The following MAP2K4 variants were observed in gnomAD, a reference collection of about 807,000 sequenced individuals.
MAP2K4 encodes the protein dual specificity mitogen-activated protein kinase kinase 4.
Under a neutral mutation model 48.5 loss-of-function variants are expected in MAP2K4, and 4 were observed. The observed-to-expected ratio is 0.08, with a 90% CI of 0.04 to 0.19. MAP2K4 has a LOEUF of 0.19. Among genes scored for constraint, MAP2K4 ranks in the 10% least tolerant of loss-of-function variants. MAP2K4 has a pLI of 1.00. For missense variants in MAP2K4, 258 were observed against 493.3 expected (o/e 0.52, Z 4.52); for synonymous variants, 166 against 173.1 (o/e 0.96, Z 0.32).
intron 4 of MAP2K4, among the ~76,000 whole-genome samples, chr17:12,101,272 ATATCCTTTGCACCTT>A (rs1971927941): frequency 6.6e-6 from 1 of 151,682 alleles, no homozygotes; most frequent in South Asian, 2.1e-4. Context: ...TTGCATGTGG[ATATCCTTTGCACCTT>A]TATCAGATAT....
At position 12,142,528 on chromosome 17, in the gene MAP2K4, A is replaced by G. The variant is rs1340253930; in HGVS notation, c.*1268A>G. The G allele has an allele frequency of 8.6e-6, 2 of 232,992 alleles. No individual in the cohort carries two copies. The highest frequency in any genetic ancestry group is 2.2e-5 in the African/African-American group (1 of 45,336). The allele number at this position is 232,992 out of a possible 1,614,324, so 14.4% of individuals were successfully genotyped here. On this transcript the variant is annotated 3_prime_UTR_variant, in exon 11 of 11. Transcript: ENST00000353533. ...TTCGCTAGTGTTTAAAAGGCTAAGA[A>G]TAGTGGGGCCCAGCCGATGTGGTAG...
At chr17:12,113,532 CCAGT>C (rs1972378880) in intron 7 of MAP2K4, among the ~76,000 whole-genome samples, 172 bp downstream of exon 7, 1 of 152,188 alleles carries the variant, frequency 6.6e-6, no homozygotes, top group African/African-American at 2.4e-5. Context: ...CTAAATTATC[CCAGT>C]CAGCTCCTGT....
At chr17:12,053,202 T>C (rs1970194246) in intron 1 of MAP2K4, among the ~76,000 whole-genome samples, 1 of 152,112 alleles carries the variant, frequency 6.6e-6, no homozygotes, top group African/African-American at 2.4e-5. Context: ...TGTATATTGC[T>C]GAACCTCTCA....
At chr17:12,117,618 T>C (rs1310860406) in intron 7 of MAP2K4, among the ~76,000 whole-genome samples, 1 of 152,040 alleles carries the variant, frequency 6.6e-6, no homozygotes, top group African/African-American at 2.4e-5. Flanking sequence ...TTTTTTTTGC[T>C]CATTTTTTGC....
intron 7 of MAP2K4, among the ~76,000 whole-genome samples, chr17:12,123,229 C>T (rs1204645599): frequency 6.6e-6 from 1 of 152,152 alleles, no homozygotes; most frequent in Non-Finnish European, 1.5e-5. Flanking sequence ...CCAGTGAGCC[C>T]ATCTGGGTGT....
intron 2 of MAP2K4, among the ~76,000 whole-genome samples, chr17:12,066,910 C>T (rs866845168): frequency 6.6e-6 from 1 of 152,218 alleles, no homozygotes; most frequent in African/African-American, 2.4e-5. Flanking sequence ...ATCTCCTGAC[C>T]TCGTGATCCG....
intron 6 of MAP2K4, 191 bp downstream of exon 6, chr17:12,110,617 C>T: frequency 1.8e-6 from 1 of 557,542 alleles, no homozygotes; most frequent in Non-Finnish European, 3.2e-6. Flanking sequence ...AAATTTCAGT[C>T]TATCTTAGTA....
In MAP2K4 at chr17:12,105,643, T is replaced by TC. The variant is rs563969877; in HGVS notation, c.514-2147_514-2146insC. On this transcript the variant is annotated intron_variant, in intron 4 of 10. Transcript: ENST00000353533. ...AGCATGACAGTCATGCTGCTGTCAC[T>TC]ACCTTTTTCAGGCAGCTCAGAGCAT... is the stretch of plus-strand genomic sequence containing the variant. Among the ~76,000 whole-genome samples the TC allele has an allele frequency of 8.1e-4, 123 of 152,192 alleles. No homozygotes were observed. The East Asian group carries it at 0.018, about 23-fold the overall frequency.
chr17:12,116,948 G>A (rs1428543936), intron 7 of MAP2K4, among the ~76,000 whole-genome samples: 3 of 152,138 alleles, frequency 2.0e-5, no homozygotes, highest in African/African-American at 4.8e-5. Flanking sequence ...CGCGAGTAAT[G>A]TGTCACTCTA....
rs1178657616 is a variant in MAP2K4 at position 12,081,918 on chromosome 17, A to G, written c.393+388A>G. ...ACTGGGTTGGGCAAGGTGCGGGGCT[A>G]GGGCTAACAGCAGTCTTACTGAAGG... On this transcript the variant is annotated intron_variant, in intron 3 of 10. Transcript: ENST00000353533. The surrounding 1 kb of genome is among the most constrained non-coding windows in gnomAD (Gnocchi z 4.2). 1 of 537,096 alleles carries G rather than the reference A, an allele frequency of 1.9e-6. No homozygotes were observed. The highest frequency in any genetic ancestry group is 3.8e-6 in the Non-Finnish European group (1 of 262,118). The allele number at this position is 537,096 out of a possible 1,614,324, so 33.3% of individuals were successfully genotyped here. A position where few individuals can be genotyped will look rare whatever the true frequency, so the allele number is the denominator to read the frequency against.
intron 2 of MAP2K4, among the ~76,000 whole-genome samples, chr17:12,071,786 T>A (rs995093969): frequency 6.6e-6 from 1 of 152,082 alleles, no homozygotes; most frequent in South Asian, 2.1e-4. Context: ...TATAGACCAG[T>A]GAACCTGAGA....
At chr17:12,082,765 A>T (rs1288592645) in intron 3 of MAP2K4, among the ~76,000 whole-genome samples, 3 of 152,214 alleles carry the variant, frequency 2.0e-5, no homozygotes, top group East Asian at 3.8e-4. Flanking sequence ...GGTGAGAACT[A>T]TAGACTTTTC....
intron 7 of MAP2K4, among the ~76,000 whole-genome samples, chr17:12,114,597 A>G (rs1009171618): frequency 9.2e-5 from 14 of 152,174 alleles, no homozygotes; most frequent in African/African-American, 3.4e-4. Context: ...TATTTGGGAA[A>G]TGTGATTTAC....
At position 12,062,568 on chromosome 17, in the gene MAP2K4, A is replaced by G. The variant is rs530427476; in HGVS notation, c.218+7577A>G. 1.4e-4 allele frequency among the ~76,000 whole-genome samples: 21 copies of G among 152,276 alleles called. No individual in the cohort carries two copies. The South Asian group carries it at 2.5e-3, about 18-fold the overall frequency. ...CCCAGGATGGTCTCGAACTCAAGCT[A>G]TCTTCCTGCCTCGGCCTCCCAGAGT... is the stretch of plus-strand genomic sequence containing the variant. On this transcript the variant is annotated intron_variant, in intron 2 of 10. Coordinates refer to ENST00000353533, the MANE Select transcript of MAP2K4 (RefSeq NM_003010.4).
intron 3 of MAP2K4, among the ~76,000 whole-genome samples, chr17:12,090,887 C>T (rs74335934): frequency 1.4e-3 from 215 of 152,294 alleles, no homozygotes; most frequent in African/African-American, 5.0e-3. Flanking sequence ...TTCCTCTTGT[C>T]CCTTTTCATG....
intron 7 of MAP2K4, among the ~76,000 whole-genome samples, chr17:12,122,545 A>G (rs1403310213): frequency 6.6e-6 from 1 of 152,140 alleles, no homozygotes; most frequent in Non-Finnish European, 1.5e-5. Context: ...TTAACATTGG[A>G]TCTTGTGACC....
chr17:12,086,645 G>A (rs1002263349), intron 3 of MAP2K4, among the ~76,000 whole-genome samples: 1 of 152,112 alleles, frequency 6.6e-6, no homozygotes, highest in Non-Finnish European at 1.5e-5. Flanking sequence ...GGAATTAATA[G>A]GGGTACAATT....
At chr17:12,041,777 A>G (rs867293184) in intron 1 of MAP2K4, among the ~76,000 whole-genome samples, 29 of 152,188 alleles carry the variant, frequency 1.9e-4, no homozygotes, top group African/African-American at 6.5e-4. Context: ...TCGATTCCTT[A>G]TTTATTGAAG....
At chr17:12,111,255 A>C (rs1394426338) in intron 6 of MAP2K4, among the ~76,000 whole-genome samples, 5 of 152,222 alleles carry the variant, frequency 3.3e-5, no homozygotes, top group Non-Finnish European at 5.9e-5. Context: ...TCTAGTGGTT[A>C]AAGAAATTAG....
Sources: gnomAD v4.1 joint callset for allele counts (sites outside exome capture counted in the v4.1 genomes callset) on GRCh38, gnomAD v4.1.1 for gene constraint, Gnocchi (gnomAD v3.1) non-coding constraint, MANE v1.5 for transcripts, NCBI Gene and HGNC (gene_info 2026-07-23, HGNC 2026-07-21) for gene names.